Variants in RYR1 observed in about 807,000 individuals in gnomAD.
RYR1 encodes ryanodine receptor 1, also known as central core disease of muscle.
RYR1 carries 342 observed loss-of-function variants against 583.5 expected under a neutral mutation model. The ratio of observed to expected loss-of-function variants is 0.59; its 90% CI spans 0.54 to 0.64. RYR1 has a LOEUF of 0.64. Among genes scored for constraint, RYR1 ranks in the 30% least tolerant of loss-of-function variants. The pLI, the probability that RYR1 is intolerant of heterozygous loss-of-function variation, is 0.00. For synonymous variants in RYR1, 2,791 were observed against 2,822.5 expected (o/e 0.99, Z 0.35); for missense variants, 6,032 against 6,917.2 (o/e 0.87, Z 4.54).
rs116386806 is a variant in RYR1 at position 38,541,092 on chromosome 19, C to T, written c.11690-2255C>T. 3.9e-3 allele frequency among the ~76,000 whole-genome samples: 587 copies of T among 152,336 alleles called. 2 individuals are homozygous for T. Among genetic ancestry groups the T allele is most frequent in the African/African-American group, 0.013 (541 of 41,572 alleles). ...GACAGACGTTCATGAATCAGTTTCACGCAGAGGTTCTCATTGTAATTGTAC... is the reference window on the plus strand; with the variant it reads ...GACAGACGTTCATGAATCAGTTTCATGCAGAGGTTCTCATTGTAATTGTAC... On this transcript the variant is annotated intron_variant, in intron 84 of 105. Coordinates refer to ENST00000359596, the MANE Select transcript of RYR1 (RefSeq NM_000540.3).
intron 84 of RYR1, among the ~76,000 whole-genome samples, chr19:38,542,010 A>G (rs1972215238): frequency 6.7e-6 from 1 of 149,976 alleles, no homozygotes; most frequent in African/African-American, 2.5e-5. Context: ...TCAAGGCTGC[A>G]GTGAGCTATG....
At chr19:38,514,930 T>TC in intron 63 of RYR1, 96 bp from the exon 64 acceptor site, 1 of 800,900 alleles carries the variant, frequency 1.2e-6, no homozygotes, top group South Asian at 1.4e-5. Context: ...TGCTTGCTCT[T>TC]CCCCACTGCA....
chr19:38,497,294 G>A (rs749798130), intron 42 of RYR1, among the ~76,000 whole-genome samples: 1 of 152,070 alleles, frequency 6.6e-6, no homozygotes. Context: ...CGCACGCTAC[G>A]CTTCCGGGTT....
intron 29 of RYR1, among the ~76,000 whole-genome samples, chr19:38,476,788 A>T (rs1968755029): frequency 6.6e-6 from 1 of 152,150 alleles, no homozygotes; most frequent in Non-Finnish European, 1.5e-5. Context: ...CTTCTCTCCT[A>T]TGGAGGTGCT....
chr19:38,576,283 G>A (rs538055743), intron 97 of RYR1, among the ~76,000 whole-genome samples: 4 of 151,346 alleles, frequency 2.6e-5, no homozygotes, highest in East Asian at 2.0e-4. Flanking sequence ...GCAAAATGCC[G>A]TCTCTACCAA....
Position 38,466,355 on chromosome 19 carries a change from C to T in RYR1, c.3135C>T (p.Leu1045=). Reference sequence around the variant, plus strand: ...GCCTCTGCCAGGCCGTGCGCACCCTCCTGGGCTACGGCTACAACATCGAGC... The same window carrying T: ...GCCTCTGCCAGGCCGTGCGCACCCTTCTGGGCTACGGCTACAACATCGAGC... ...RDSLCQAVRT[L]LGYGYNIEPP... The change falls in exon 24 of 106, where the codon CTC becomes CTT. Residue 1045 remains leucine, a synonymous_variant. Transcript: ENST00000359596. 6.3e-7 allele frequency: 1 copy of T among 1,582,150 alleles called. No homozygotes were observed. The highest frequency in any genetic ancestry group is 8.6e-7 in the Non-Finnish European group (1 of 1,166,384).
At chr19:38,504,592 A>G (rs541291146) in intron 50 of RYR1, among the ~76,000 whole-genome samples, 156 bp from the exon 51 acceptor site, 6 of 152,168 alleles carry the variant, frequency 3.9e-5, no homozygotes, top group African/African-American at 1.4e-4. Flanking sequence ...TTGAGCATAC[A>G]ATTGGGACTG....
Position 38,492,601 on chromosome 19 carries a change from C to T in RYR1, c.6239C>T (p.Pro2080Leu). 1 of 1,610,892 alleles carries T rather than the reference C, an allele frequency of 6.2e-7. No homozygotes were observed. Among genetic ancestry groups the T allele is most frequent in the Non-Finnish European group, 8.5e-7 (1 of 1,178,370 alleles). Residue 2080 changes from proline (P) to leucine (L), a missense_variant, in exon 38 of 106, where the codon CCT becomes CTT. Pro to Leu is a moderately conservative substitution (Grantham distance 98). Coordinates refer to ENST00000359596, the MANE Select transcript of RYR1 (RefSeq NM_000540.3). ...CTGGTGAAGAAGAAGGAAGAGAAAC[C>T]TGAGGAGGAGCGGTCAGCAGAGGAG... The part of the protein sequence containing the change: ...VRLVKKKEEK[P>L]EEERSAEESK...
chr19:38,474,041 G>A (rs1453420738), intron 28 of RYR1, among the ~76,000 whole-genome samples: 1 of 152,164 alleles, frequency 6.6e-6, no homozygotes, highest in African/African-American at 2.4e-5. Context: ...GCCCCAAAGG[G>A]CTTCGCCCAA....
intron 76 of RYR1, among the ~76,000 whole-genome samples, chr19:38,531,533 AG>A (rs1429808371): frequency 6.6e-6 from 1 of 151,848 alleles, no homozygotes; most frequent in Non-Finnish European, 1.5e-5. Context: ...CTTGTTATTG[AG>A]CTGACAGGTG....
chr19:38,496,973 G>A lies in RYR1; in HGVS notation c.6891+19G>A. On this transcript the variant is annotated intron_variant, in intron 42 of 105. Transcript: ENST00000359596. This position sits in a 1 kb window ranked among gnomAD's most constrained non-coding sequence, Gnocchi z 4.8. Reference sequence around the variant, plus strand: ...GGAAAAGGTGTGGAGGGCAGGGCTGGGCCCCAGGCCTAAGGGAGGAAATCG... The same window carrying A: ...GGAAAAGGTGTGGAGGGCAGGGCTGAGCCCCAGGCCTAAGGGAGGAAATCG... The A allele has an allele frequency of 1.4e-5, 23 of 1,603,472 alleles. No homozygotes were observed. Among genetic ancestry groups the A allele is most frequent in the Non-Finnish European group, 1.9e-5 (22 of 1,170,994 alleles).
At chr19:38,583,464 C>G (rs967583421) in intron 101 of RYR1, among the ~76,000 whole-genome samples, 11 of 128,372 alleles carry the variant, frequency 8.6e-5, no homozygotes, top group African/African-American at 3.0e-4. Flanking sequence ...GGCAACAGAG[C>G]AAGACTCTGT....
chr19:38,528,365 C>G lies in RYR1; in HGVS notation c.10884C>G (p.Arg3628=). 3 of 1,614,172 alleles carry G rather than the reference C, an allele frequency of 1.9e-6. No individual in the cohort carries two copies. Among genetic ancestry groups the G allele is most frequent in the African/African-American group, 2.7e-5 (2 of 75,034 alleles). ...GGCACAAGCTTTTGTCCAAACAGCGCCGGCGGGCAGTCGTGGCCTGTTTCC... is the reference window on the plus strand; with the variant it reads ...GGCACAAGCTTTTGTCCAAACAGCGGCGGCGGGCAGTCGTGGCCTGTTTCC... ...AVWHKLLSKQ[R]RRAVVACFRM... Residue 3628 remains arginine, a synonymous_variant, in exon 74 of 106, where the codon CGC becomes CGG. Coordinates refer to ENST00000359596, the MANE Select transcript of RYR1 (RefSeq NM_000540.3).
chr19:38,457,772 G>T, intron 17 of RYR1, 142 bp downstream of exon 17: 1 of 894,532 alleles, frequency 1.1e-6, no homozygotes, highest in East Asian at 2.6e-5. Context: ...GTCCACTGTG[G>T]CCCCACTCTC....
chr19:38,582,454 T>C (rs1243328311), intron 101 of RYR1, among the ~76,000 whole-genome samples: 2 of 151,588 alleles, frequency 1.3e-5, no homozygotes, highest in East Asian at 1.9e-4. Context: ...CTCAGGATTA[T>C]ATAGATGTTA....
rs1970955004 is a variant in RYR1, at chr19:38,516,105, G to A, written c.9573G>A (p.Gly3191=). 3.2e-6 allele frequency: 5 copies of A among 1,549,436 alleles called. No homozygotes were observed. The highest frequency in any genetic ancestry group is 1.4e-5 in the African/African-American group (1 of 73,184). ...CTTCCAGGCTTCGGCCAGCCCTCGG[G>A]GAGTGCCTGGCCCGTCTGGCAGCAG... ...TYVEKLRPAL[G]ECLARLAAAM... Residue 3191 remains glycine (G), a synonymous_variant, in exon 65 of 106, where the codon GGG becomes GGA. Transcript: ENST00000359596.
intron 101 of RYR1, among the ~76,000 whole-genome samples, chr19:38,581,930 T>A (rs1974232314): frequency 6.6e-6 from 1 of 152,106 alleles, no homozygotes; most frequent in African/African-American, 2.4e-5. Flanking sequence ...TTCAAACTAT[T>A]ATTATTGGAA....
chr19:38,466,667 A>G (rs1025444333), intron 24 of RYR1, among the ~76,000 whole-genome samples: 1 of 151,586 alleles, frequency 6.6e-6, no homozygotes, highest in African/African-American at 2.4e-5. Flanking sequence ...ACGCCTGGCT[A>G]ATTTTTTGTA....
chr19:38,504,991 T>G lies in RYR1; in HGVS notation c.8232-12T>G. On this transcript the variant is annotated splice_polypyrimidine_tract_variant and intron_variant, in intron 51 of 105. Coordinates refer to ENST00000359596, the MANE Select transcript of RYR1 (RefSeq NM_000540.3). ...CCAGCTCCAACATCTGCTGACCCTG[T>G]GCCCCCAACAGTGTGATCATCCCGG... 6.2e-7 allele frequency: 1 copy of G among 1,614,164 alleles called. No individual in the cohort carries two copies. Among genetic ancestry groups the G allele is most frequent in the Non-Finnish European group, 8.5e-7 (1 of 1,180,006 alleles).
Sources: gnomAD v4.1 joint callset for allele counts (sites outside exome capture counted in the v4.1 genomes callset) on GRCh38, gnomAD v4.1.1 for gene constraint, Gnocchi (gnomAD v3.1) non-coding constraint, MANE v1.5 for transcripts, NCBI Gene and HGNC (gene_info 2026-07-23, HGNC 2026-07-21) for gene names.